ANK1: variants seen among roughly 807,000 people sequenced by gnomAD.
The protein encoded by ANK1 is ankyrin-1.
In ANK1, 51 loss-of-function variants were observed where a neutral mutation model predicts 210.4. The observed-to-expected ratio is 0.24, with a 90% CI of 0.19 to 0.31. ANK1 has a LOEUF of 0.31. Among genes scored for constraint, ANK1 ranks in the 10% least tolerant of loss-of-function variants. The probability of loss-of-function intolerance (pLI) is 1.00; values close to 1 mark genes in which losing one functional copy is unlikely to be tolerated. For synonymous variants in ANK1, 967 were observed against 1,025.9 expected (o/e 0.94, Z 1.10); for missense variants, 2,051 against 2,504.4 (o/e 0.82, Z 3.86).
chr8:41,854,952 GAA>G (rs58277361), intron 1 of ANK1, among the ~76,000 whole-genome samples: 2 of 129,482 alleles, frequency 1.5e-5, no homozygotes, highest in African/African-American at 2.7e-5. Flanking sequence ...TATCTCAAAA[GAA>G]AAAAAAAAAA....
chr8:41,855,659 T>C (rs1812057823), intron 1 of ANK1, among the ~76,000 whole-genome samples: 1 of 152,178 alleles, frequency 6.6e-6, no homozygotes, highest in Non-Finnish European at 1.5e-5. Context: ...TCTGTTTCTA[T>C]AAAAGTGGAC....
chr8:41,821,058 CA>C (rs1804182651), intron 1 of ANK1, among the ~76,000 whole-genome samples: 1 of 152,184 alleles, frequency 6.6e-6, no homozygotes, highest in Non-Finnish European at 1.5e-5. Flanking sequence ...TTTAACAAAG[CA>C]ACAGCTTTTC....
In ANK1 at chr8:41,661,620, C is replaced by T. The variant is rs1361871850; in HGVS notation, c.5545-56G>A. 3.1e-6 allele frequency: 5 copies of T among 1,611,044 alleles called. No homozygotes were observed. The South Asian group carries it at 3.3e-5, about 11-fold the overall frequency. On this transcript the variant is annotated intron_variant, in intron 41 of 42. Transcript: ENST00000289734. ...ACAGATCGCAAAGACGGGCAGAACA[C>T]AGGCAGAAGATCGAAAGGAGGCCAC...
chr8:41,888,304 T>A (rs1292161558), intron 1 of ANK1, among the ~76,000 whole-genome samples: 1 of 152,202 alleles, frequency 6.6e-6, no homozygotes, highest in Non-Finnish European at 1.5e-5. Flanking sequence ...CCTGTTGGCA[T>A]CTGATCATAG....
intron 1 of ANK1, among the ~76,000 whole-genome samples, chr8:41,787,838 CAGGA>C (rs889198418): frequency 6.7e-6 from 1 of 150,118 alleles, no homozygotes; most frequent in Non-Finnish European, 1.5e-5. Flanking sequence ...GGCAGGCAGG[CAGGA>C]AGGAAGGAAG....
chr8:41,672,619 G>C lies in ANK1; in HGVS notation c.4831C>G (p.Arg1611Gly), dbSNP rs375228300. The change falls in exon 38 of 43, where the codon CGG becomes GGG. Residue 1611 changes from arginine to glycine, a missense_variant. By Grantham distance (125) the Arg-to-Gly change is moderately radical. Coordinates refer to ENST00000289734, the MANE Select transcript of ANK1 (RefSeq NM_000037.4). ...KLEGALSEEP[R>G]GPELGSLELV... is the part of the protein sequence containing the mutation. ...TCCAGAGAGCCCAACTCGGGGCCCC[G>C]CGGTTCCTCTGAGAGTGCCCCCTCC... The C allele has an allele frequency of 1.9e-6, 3 of 1,614,070 alleles. No individual in the cohort carries two copies. In the African/African-American group the frequency reaches 4.0e-5, roughly 22 times the overall value.
At chr8:41,715,491 T>C (rs1252513855) in intron 14 of ANK1, among the ~76,000 whole-genome samples, 161 bp downstream of exon 14, 1 of 152,228 alleles carries the variant, frequency 6.6e-6, no homozygotes, top group Admixed American at 6.5e-5. Context: ...TGGAGACACA[T>C]CGGCTTGCAG....
rs544051672 is a variant in ANK1, at chr8:41,704,671, G to A, written c.2098-199C>T. Among the ~76,000 whole-genome samples, 4 of 152,260 alleles carry A rather than the reference G, an allele frequency of 2.6e-5. No homozygotes were observed. Among genetic ancestry groups the A allele is most frequent in the African/African-American group, 9.6e-5 (4 of 41,566 alleles). The stretch of plus-strand genomic sequence containing the variant: ...GGAGACCCAAGGGGAGACGTCAAGC[G>A]GGCAACTGGAAAATGGACACTGAAC... On this transcript the variant is annotated intron_variant, in intron 18 of 42. Transcript: ENST00000289734. The surrounding 1 kb of genome is among the most constrained non-coding windows in gnomAD (Gnocchi z 4.1).
Position 41,724,524 on chromosome 8 carries a change from G to C in ANK1, c.643C>G (p.His215Asp). The change falls in exon 7 of 43, where the codon CAC becomes GAC. Residue 215 changes from histidine to aspartate, a missense_variant. His to Asp is a moderately conservative substitution (Grantham distance 81). Coordinates refer to ENST00000289734, the MANE Select transcript of ANK1 (RefSeq NM_000037.4). The part of the protein sequence containing the change: ...TGFTPLHIAA[H>D]YENLNVAQLL... ...TGGGCCACGTTGAGGTTCTCGTAGT[G>C]AGCCGCAATGTGCAGGGGCGTGAAT... 6.2e-7 allele frequency: 1 copy of C among 1,600,320 alleles called. No homozygotes were observed. The highest frequency in any genetic ancestry group is 8.5e-7 in the Non-Finnish European group (1 of 1,173,312).
At chr8:41,781,970 C>T (rs576350300) in intron 1 of ANK1, among the ~76,000 whole-genome samples, 6 of 152,286 alleles carry the variant, frequency 3.9e-5, no homozygotes, top group Admixed American at 2.6e-4. Context: ...AGGGACAGAG[C>T]GCCAAGAAAC....
chr8:41,714,135 G>T (rs981966852), intron 16 of ANK1, 21 bp downstream of exon 16: 1 of 1,326,666 alleles, frequency 7.5e-7, no homozygotes, highest in Non-Finnish European at 9.7e-7. Context: ...AGGGGCAGCT[G>T]GGGAGAGGGG....
At chr8:41,805,959 AAACTC>A (rs1229911541) in intron 1 of ANK1, among the ~76,000 whole-genome samples, 2 of 152,260 alleles carry the variant, frequency 1.3e-5, no homozygotes, top group African/African-American at 4.8e-5. Context: ...TACTACATAA[AAACTC>A]AACAAGTAAT....
At chr8:41,726,651 C>T (rs1414224657) in intron 5 of ANK1, among the ~76,000 whole-genome samples, 1 of 152,112 alleles carries the variant, frequency 6.6e-6, no homozygotes, top group Non-Finnish European at 1.5e-5. Context: ...CCTCCCAAAG[C>T]GGTTGGATTA....
intron 16 of ANK1, among the ~76,000 whole-genome samples, chr8:41,711,196 A>C (rs1016803888): frequency 6.6e-6 from 1 of 152,222 alleles, no homozygotes; most frequent in Non-Finnish European, 1.5e-5. Context: ...GGCTCAAAAC[A>C]GAGCTAAGCC....
At chr8:41,829,214 G>T (rs564503533) in intron 1 of ANK1, 4 of 152,282 alleles carry the variant, frequency 2.6e-5, no homozygotes, top group Admixed American at 6.5e-5. Flanking sequence ...CTGCCACAAG[G>T]CTTCAAAGGA....
At chr8:41,873,697 C>A (rs1738939286) in intron 1 of ANK1, among the ~76,000 whole-genome samples, 1 of 152,208 alleles carries the variant, frequency 6.6e-6, no homozygotes, top group Non-Finnish European at 1.5e-5. Context: ...CAGGGGTCAG[C>A]AGGGGCTCCT....
chr8:41,794,377 T>C (rs969572160), intron 1 of ANK1, among the ~76,000 whole-genome samples: 1 of 152,198 alleles, frequency 6.6e-6, no homozygotes, highest in African/African-American at 2.4e-5. Flanking sequence ...CTCTGGAGTT[T>C]GGCCTGGCTG....
intron 7 of ANK1, among the ~76,000 whole-genome samples, chr8:41,723,910 C>T (rs1830016654): frequency 1.3e-5 from 2 of 151,564 alleles, no homozygotes; most frequent in South Asian, 4.2e-4. Flanking sequence ...CTGCCTCAGC[C>T]TCCTGTGTAG....
At chr8:41,685,080 C>T (rs950293330) in intron 36 of ANK1, among the ~76,000 whole-genome samples, 2 of 152,152 alleles carry the variant, frequency 1.3e-5, no homozygotes, top group African/African-American at 4.8e-5. Flanking sequence ...AGGTGCATGC[C>T]ACCACGCCCT....
Sources: gnomAD v4.1 joint callset for allele counts (sites outside exome capture counted in the v4.1 genomes callset) on GRCh38, gnomAD v4.1.1 for gene constraint, Gnocchi (gnomAD v3.1) non-coding constraint, MANE v1.5 for transcripts, NCBI Gene and HGNC (gene_info 2026-07-23, HGNC 2026-07-21) for gene names.